DOCK10: variants seen among roughly 807,000 people sequenced by gnomAD.
DOCK10 encodes dedicator of cytokinesis protein 10.
In DOCK10, 145 loss-of-function variants were observed where a neutral mutation model predicts 280.1. That is an observed-to-expected ratio of 0.52 (90% CI 0.45 to 0.59). The LOEUF is 0.59. Among genes scored for constraint, DOCK10 ranks in the 20% least tolerant of loss-of-function variants. The pLI is 0.00. For missense variants in DOCK10, 2,368 were observed against 2,651.7 expected (o/e 0.89, Z 2.35); for synonymous variants, 915 against 942.2 (o/e 0.97, Z 0.53).
chr2:224,864,535 T>G lies in DOCK10; in HGVS notation c.1602+18A>C, dbSNP rs761048569. ...AAAAAAAAAAGGAAGTGAAGTTATT[T>G]ATAAGATTATACATTACCTTGTTGG... On this transcript the variant is annotated intron_variant, in intron 13 of 55. Coordinates refer to ENST00000258390, the MANE Select transcript of DOCK10 (RefSeq NM_014689.3). The G allele has an allele frequency of 7.8e-6, 12 of 1,545,500 alleles. No homozygotes were observed. Among genetic ancestry groups the G allele is most frequent in the Middle Eastern group, 1.7e-4 (1 of 5,822 alleles).
intron 28 of DOCK10, among the ~76,000 whole-genome samples, chr2:224,821,658 T>A (rs1694512408): frequency 6.6e-6 from 1 of 152,200 alleles, no homozygotes; most frequent in African/African-American, 2.4e-5. Flanking sequence ...TTTCCCTTTT[T>A]TAGAGACTTG....
At chr2:224,792,946 G>A (rs749929847) in intron 47 of DOCK10, 28 bp downstream of exon 47, 2 of 1,512,936 alleles carry the variant, frequency 1.3e-6, no homozygotes, top group South Asian at 1.1e-5. Context: ...CCTCTGCATT[G>A]GGATAAATGA....
At chr2:224,779,208 A>C (rs1034030299) in intron 50 of DOCK10, among the ~76,000 whole-genome samples, 1 of 148,542 alleles carries the variant, frequency 6.7e-6, no homozygotes, top group Non-Finnish European at 1.5e-5. Context: ...TAAGAACCCA[A>C]GGATATCTGG....
chr2:224,895,366 C>A (rs1699919596), intron 4 of DOCK10, among the ~76,000 whole-genome samples: 1 of 152,138 alleles, frequency 6.6e-6, no homozygotes, highest in Non-Finnish European at 1.5e-5. Context: ...AGTGTTAATA[C>A]AAACTTAACT....
chr2:224,916,362 G>A (rs750058276), intron 3 of DOCK10, among the ~76,000 whole-genome samples: 4 of 152,228 alleles, frequency 2.6e-5, no homozygotes, highest in East Asian at 3.9e-4. Context: ...CCAACATGGC[G>A]AAACCCTGTC....
intron 1 of DOCK10, among the ~76,000 whole-genome samples, chr2:224,940,187 C>T (rs994193088): frequency 1.4e-4 from 22 of 152,230 alleles, no homozygotes; most frequent in Non-Finnish European, 4.4e-5. Flanking sequence ...GGCTACACTC[C>T]CACAAGACTT....
At chr2:224,937,804 G>T (rs1318335588) in intron 1 of DOCK10, among the ~76,000 whole-genome samples, 2 of 152,170 alleles carry the variant, frequency 1.3e-5, no homozygotes, top group Middle Eastern at 3.4e-3. Context: ...ATTTAGGATT[G>T]GTTTAATATT....
chr2:224,980,409 A>T (rs778671628), intron 1 of DOCK10, among the ~76,000 whole-genome samples: 1 of 152,254 alleles, frequency 6.6e-6, no homozygotes, highest in African/African-American at 2.4e-5. Flanking sequence ...TAGCATTTCC[A>T]TAACAACAAC....
At chr2:224,768,940 C>T (rs1031045908) in intron 55 of DOCK10, 4 of 456,362 alleles carry the variant, frequency 8.8e-6, no homozygotes, top group East Asian at 1.4e-4. Context: ...ACACGGACCT[C>T]GACAGAGCTG....
At chr2:224,822,895 T>A (rs1455678225) in intron 28 of DOCK10, among the ~76,000 whole-genome samples, 1 of 152,080 alleles carries the variant, frequency 6.6e-6, no homozygotes, top group Non-Finnish European at 1.5e-5. Flanking sequence ...TTTTTAAAAA[T>A]TTCATTTTTT....
At chr2:224,859,096 T>C (rs1697337804) in intron 14 of DOCK10, among the ~76,000 whole-genome samples, 1 of 152,216 alleles carries the variant, frequency 6.6e-6, no homozygotes. Flanking sequence ...GGAAGCACTG[T>C]GGGATGTACT....
At chr2:224,784,994 T>A (rs1691634899) in intron 50 of DOCK10, among the ~76,000 whole-genome samples, 1 of 152,212 alleles carries the variant, frequency 6.6e-6, no homozygotes. Flanking sequence ...TTGTGCTACT[T>A]CTGTGCTGCT....
At chr2:224,811,038 G>A (rs367859239) in intron 31 of DOCK10, among the ~76,000 whole-genome samples, 12 of 151,956 alleles carry the variant, frequency 7.9e-5, no homozygotes, top group African/African-American at 1.9e-4. Flanking sequence ...TTTCTAGTTC[G>A]AGATCCCTGA....
In DOCK10 at chr2:224,874,748, G is replaced by A. The variant is rs778487130; in HGVS notation, c.935C>T (p.Ser312Leu). The A allele has an allele frequency of 2.4e-5, 38 of 1,613,144 alleles. No individual in the cohort carries two copies. The highest frequency in any genetic ancestry group is 5.3e-5 in the African/African-American group (4 of 74,898). Residue 312 changes from serine (S) to leucine (L), a missense_variant, in exon 9 of 56, where the codon TCG becomes TTG. By Grantham distance (145) the Ser-to-Leu change is moderately radical (BLOSUM62 -2). Coordinates refer to ENST00000258390, the MANE Select transcript of DOCK10 (RefSeq NM_014689.3). ...TTCACAAGTTACAGAATTATCCAGC[G>A]AATCTTAAAAAGATATACCAAGTCA... ...STELTDLGLD[S>L]LDNSVTCECT...
chr2:224,798,431 A>G (rs900742239), intron 41 of DOCK10, among the ~76,000 whole-genome samples: 22 of 152,088 alleles, frequency 1.4e-4, no homozygotes, highest in Non-Finnish European at 2.9e-4. Flanking sequence ...AATGGGAGAG[A>G]GGTCACAGGT....
rs751002498 is a variant in DOCK10 at position 224,841,906 on chromosome 2, C to CAA, written c.2569-12_2569-11dup. 2 of 1,553,012 alleles carry CAA rather than the reference C, an allele frequency of 1.3e-6. No individual in the cohort carries two copies. The highest frequency in any genetic ancestry group is 3.6e-5 in the Admixed American group (2 of 55,888). On this transcript the variant is annotated splice_polypyrimidine_tract_variant and intron_variant, in intron 22 of 55. Transcript: ENST00000258390. ...CATTCACATGTGGATCCTACAACAG[C>CAA]AAAAAAAAAGTATTTATTTCTGATG... is the stretch of plus-strand genomic sequence containing the variant.
chr2:224,837,931 T>C (rs1559526064), intron 24 of DOCK10, 100 bp from the exon 25 acceptor site: 1 of 892,674 alleles, frequency 1.1e-6, no homozygotes, highest in Non-Finnish European at 1.8e-6. Context: ...ATTTAATAAT[T>C]ACTGGGTGAA....
chr2:224,813,415 C>T (rs768363834), intron 31 of DOCK10, among the ~76,000 whole-genome samples: 38 of 152,086 alleles, frequency 2.5e-4, no homozygotes, highest in Non-Finnish European at 4.3e-4. Flanking sequence ...AGGGTGATGT[C>T]GAACTCCTGG....
rs546361665 is a variant in DOCK10 at position 224,848,847 on chromosome 2, T to C, written c.2235+660A>G. ...TTATGACATGAAATGCTGCCATTCA[T>C]TGGTAAAGCTATTTAACACAATCTC... On this transcript the variant is annotated intron_variant, in intron 19 of 55. Coordinates refer to ENST00000258390, the MANE Select transcript of DOCK10 (RefSeq NM_014689.3). 1.2e-3 allele frequency among the ~76,000 whole-genome samples: 177 copies of C among 152,334 alleles called. 1 individual carries two copies. The highest frequency in any genetic ancestry group is 2.1e-3 in the Non-Finnish European group (140 of 68,042).
Sources: allele counts gnomAD v4.1 joint callset (sites outside exome capture counted in the v4.1 genomes callset), GRCh38; gene constraint gnomAD v4.1.1; transcripts MANE v1.5; gene names NCBI Gene and HGNC (gene_info 2026-07-23, HGNC 2026-07-21).